Variants in C16orf89 observed in about 807,000 individuals in gnomAD.
The protein encoded by C16orf89 is chromosome 16 open reading frame 89, also known as UPF0764 protein C16orf89.
C16orf89 carries 57 observed loss-of-function variants against 41.5 expected under a neutral mutation model. The ratio of observed to expected loss-of-function variants is 1.38; its 90% CI spans 1.11 to 1.71. The LOEUF (loss-of-function observed/expected upper bound fraction) is 1.71. Among genes scored for constraint, C16orf89 ranks in the 40% most tolerant of loss-of-function variants. C16orf89 has a pLI of 0.00. For missense variants in C16orf89, 575 were observed against 445.9 expected, an observed-to-expected ratio of 1.29 and a Z score of -2.61; for synonymous variants, 223 against 190.6, an observed-to-expected ratio of 1.17 and a Z score of -1.40.
intron 6 of C16orf89, among the ~76,000 whole-genome samples, chr16:5,054,657 C>T (rs1956456540): frequency 2.0e-5 from 3 of 152,094 alleles, no homozygotes; most frequent in Admixed American, 2.0e-4. Context: ...GTGTCCCCAC[C>T]CAAGTCTCAT....
At position 5,050,592 on chromosome 16, in the gene C16orf89, C is replaced by T. The variant is rs568640160; in HGVS notation, c.869-2628G>A. 7.2e-5 allele frequency among the ~76,000 whole-genome samples: 11 copies of T among 152,220 alleles called. No individual in the cohort carries two copies. The South Asian group carries it at 1.7e-3, about 23-fold the overall frequency. The stretch of plus-strand genomic sequence containing the variant: ...AACAAATACCAATTCTTTTCAGTCT[C>T]GTCCAGAAAATTGAAGAGGAGGAAA... On this transcript the variant is annotated intron_variant, in intron 6 of 7. Coordinates refer to ENST00000472572, the MANE Select transcript of C16orf89 (RefSeq NM_001098514.3).
intron 4 of C16orf89, among the ~76,000 whole-genome samples, chr16:5,057,367 C>T (rs1052754966): frequency 2.2e-5 from 3 of 135,364 alleles, no homozygotes; most frequent in African/African-American, 5.4e-5. Flanking sequence ...TTATATATAT[C>T]GTGATATATA....
At chr16:5,058,188 C>T (rs867876323) in intron 4 of C16orf89, among the ~76,000 whole-genome samples, 3 of 151,686 alleles carry the variant, frequency 2.0e-5, no homozygotes, top group Middle Eastern at 3.2e-3. Context: ...AGTGCAGTGG[C>T]GCAATCTTAC....
intron 2 of C16orf89, 105 bp downstream of exon 2, chr16:5,062,320 T>G: frequency 7.3e-7 from 1 of 1,366,162 alleles, no homozygotes; most frequent in East Asian, 2.5e-5. Flanking sequence ...GGTTACGGAC[T>G]GTCCCAGCCC....
At chr16:5,043,013 T>G (rs1596677272), downstream of C16orf89, 1 of 152,032 alleles carries the variant, frequency 6.6e-6, no homozygotes, top group Non-Finnish European at 1.5e-5. Flanking sequence ...CCATTTCCAG[T>G]ATTCTAGAAA....
chr16:5,059,996 C>A (rs1486275440), intron 3 of C16orf89, among the ~76,000 whole-genome samples: 1 of 151,968 alleles, frequency 6.6e-6, no homozygotes, highest in East Asian at 2.0e-4. Flanking sequence ...GGCCTGGAGA[C>A]TTGGAACTGC....
intron 5 of C16orf89, 164 bp from the exon 6 acceptor site, chr16:5,055,514 G>T: frequency 2.1e-6 from 2 of 956,336 alleles, no homozygotes; most frequent in Non-Finnish European, 3.1e-6. Flanking sequence ...GCCTTTGCCT[G>T]ACCAACTAGG....
At chr16:5,052,099 C>CAAAAAAAAAAAAAAA (rs35641084) in intron 6 of C16orf89, among the ~76,000 whole-genome samples, 1 of 78,728 alleles carries the variant, frequency 1.3e-5, no homozygotes, top group Non-Finnish European at 2.4e-5. Flanking sequence ...GAGACTGTCT[C>CAAAAAAAAAAAAAAA]AAAAAAAAAA....
chr16:5,055,212 C>T, intron 6 of C16orf89, 34 bp downstream of exon 6: 1 of 1,532,578 alleles, frequency 6.5e-7, no homozygotes, highest in East Asian at 2.3e-5. Context: ...CCCCCACTGC[C>T]CCCCTTCTTA....
chr16:5,060,528 GC>G, intron 2 of C16orf89, 92 bp from the exon 3 acceptor site: 2 of 1,347,930 alleles, frequency 1.5e-6, no homozygotes, highest in Non-Finnish European at 2.0e-6. Context: ...CTGCAGCCCT[GC>G]CCACTGGCAG....
Position 5,044,219 on chromosome 16 carries a change from G to GTAGATC in C16orf89, c.*128_*129insGATCTA. On this transcript the variant is annotated 3_prime_UTR_variant, in exon 8 of 8. Coordinates refer to ENST00000472572, the MANE Select transcript of C16orf89 (RefSeq NM_001098514.3). The stretch of plus-strand genomic sequence containing the variant: ...CTACTCAGGGCTTCCAAGATTGGGT[G>GTAGATC]TCGGGGTGGCTTTGCTTATCCTCCA... 1 of 1,422,238 alleles carries GTAGATC rather than the reference G, an allele frequency of 7.0e-7. No individual in the cohort carries two copies. The highest frequency in any genetic ancestry group is 9.1e-7 in the Non-Finnish European group (1 of 1,093,604). 88.1% of individuals were successfully genotyped at this position (1,422,238 alleles called of 1,614,324 possible).
chr16:5,055,756 G>T lies in C16orf89; in HGVS notation c.763+297C>A, dbSNP rs1195342431. ...GGCAGGAAACTGTCACACAGTGGCA[G>T]GTAAAATACAGGATGCCCAGTTACA... On this transcript the variant is annotated intron_variant, in intron 5 of 7. Coordinates refer to ENST00000472572, the MANE Select transcript of C16orf89 (RefSeq NM_001098514.3). 5.2e-6 allele frequency: 8 copies of T among 1,531,394 alleles called. No individual in the cohort carries two copies. In the East Asian group the frequency reaches 2.0e-4, roughly 37 times the overall value. The allele number at this position is 1,531,394 out of a possible 1,614,324, so 94.9% of individuals were successfully genotyped here. A position where few individuals can be genotyped will look rare whatever the true frequency, so the allele number is the denominator to read the frequency against.
Position 5,060,428 on chromosome 16 carries a change from G to C in C16orf89, c.367C>G (p.Leu123Val). The C allele has an allele frequency of 2.5e-6, 4 of 1,612,604 alleles. No individual in the cohort carries two copies. Among genetic ancestry groups the C allele is most frequent in the Non-Finnish European group, 3.4e-6 (4 of 1,179,328 alleles). ...TTCCAAAACCCGGGCTGGAGGGTCA[G>C]CTGGAACTCTGGCAGAGAGGACAGA... ...SDPKYLREFQLTLQPGFWKLP... is the reference protein window; with the variant it reads ...SDPKYLREFQVTLQPGFWKLP... The change falls in exon 3 of 8, where the codon CTG becomes GTG. Residue 123 changes from leucine to valine, a missense_variant. Physicochemically the swap from Leu to Val is conservative, Grantham distance 32 (BLOSUM62 1). Transcript: ENST00000472572.
intron 2 of C16orf89, among the ~76,000 whole-genome samples, chr16:5,060,988 C>T (rs866285268): frequency 1.6e-5 from 2 of 124,690 alleles, no homozygotes; most frequent in African/African-American, 3.1e-5. Flanking sequence ...GGGCCAAGAG[C>T]GGTGGCTCAC....
intron 6 of C16orf89, among the ~76,000 whole-genome samples, chr16:5,052,616 G>T (rs948516880): frequency 6.7e-6 from 1 of 149,862 alleles, no homozygotes; most frequent in African/African-American, 2.5e-5. Context: ...AAAAAAAAAA[G>T]ACAACAGATA....
chr16:5,047,897 C>G lies in C16orf89; in HGVS notation c.936G>C (p.Arg312Ser). The G allele has an allele frequency of 6.3e-7, 1 of 1,593,688 alleles. No individual in the cohort carries two copies. ...YQQHFSRRVK[R>S]REKQFPDGCS... ...CATTACCTGGAAATTGTTTTTCTCG[C>G]CTCTTCACTCTCCTCGAAAAATGCT... Residue 312 changes from arginine to serine, a missense_variant, in exon 7 of 8, where the codon AGG (arginine) becomes AGC (serine). Coordinates refer to ENST00000472572, the MANE Select transcript of C16orf89 (RefSeq NM_001098514.3).
intron 6 of C16orf89, 22 bp from the exon 7 acceptor site, chr16:5,047,986 A>C: frequency 7.9e-7 from 1 of 1,267,204 alleles, no homozygotes; most frequent in Non-Finnish European, 1.2e-6. Flanking sequence ...GCAAAAGTTG[A>C]ACTTCTCAAG....
In C16orf89 at chr16:5,055,272, T is replaced by C; in HGVS notation, c.842A>G (p.Gln281Arg). 6.2e-7 allele frequency: 1 copy of C among 1,612,958 alleles called. No homozygotes were observed. Among genetic ancestry groups the C allele is most frequent in the African/African-American group, 1.3e-5 (1 of 74,928 alleles). The stretch of plus-strand genomic sequence containing the variant: ...AGGCTCCCCGAAGCATCCTTCCTGC[T>C]GTTTCTGCCAGCTGAGAATGGCCTC... ...WLEAILSWQK[Q>R]QEGCFGEPDA... is the part of the protein sequence containing the mutation. The change falls in exon 6 of 8, where the codon CAG becomes CGG. Residue 281 changes from glutamine (Q) to arginine (R), a missense_variant. Physicochemically the swap from Gln to Arg is conservative, Grantham distance 43 (BLOSUM62 1). Coordinates refer to ENST00000472572, the MANE Select transcript of C16orf89 (RefSeq NM_001098514.3).
intron 7 of C16orf89, among the ~76,000 whole-genome samples, chr16:5,047,290 A>G (rs751259995): frequency 1.3e-5 from 2 of 151,790 alleles, no homozygotes; most frequent in Non-Finnish European, 2.9e-5. Context: ...CTCTTACAAC[A>G]CCTCTGAGAT....
Sources: allele counts gnomAD v4.1 joint callset (sites outside exome capture counted in the v4.1 genomes callset), GRCh38; gene constraint gnomAD v4.1.1; transcripts MANE v1.5; gene names NCBI Gene and HGNC (gene_info 2026-07-23, HGNC 2026-07-21).